Variants in FAM13A observed in about 807,000 individuals in gnomAD.
The protein encoded by FAM13A is protein FAM13A.
Under a neutral mutation model 129.6 loss-of-function variants are expected in FAM13A, and 76 were observed. The observed-to-expected ratio is 0.59, with a 90% CI of 0.49 to 0.71. FAM13A has a LOEUF of 0.71. Among genes scored for constraint, FAM13A ranks in the 30% least tolerant of loss-of-function variants. The pLI is 0.00. For synonymous variants in FAM13A, 443 were observed against 449.9 expected, an observed-to-expected ratio of 0.98 and a Z score of 0.20; for missense variants, 1,108 against 1,249.3, an observed-to-expected ratio of 0.89 and a Z score of 1.70.
intron 3 of FAM13A, among the ~76,000 whole-genome samples, chr4:89,010,746 C>T (rs1765619169): frequency 1.3e-5 from 2 of 152,186 alleles, no homozygotes; most frequent in South Asian, 4.1e-4. Flanking sequence ...GTTCTGTGGA[C>T]CCCATCAAAG....
chr4:88,893,588 A>G (rs192919016), intron 6 of FAM13A, among the ~76,000 whole-genome samples: 3 of 148,480 alleles, frequency 2.0e-5, no homozygotes, highest in South Asian at 4.2e-4. Context: ...GTGCCACTGC[A>G]CTCCAGCCTG....
intron 3 of FAM13A, among the ~76,000 whole-genome samples, chr4:88,994,993 T>C (rs1763353840): frequency 6.6e-6 from 1 of 152,174 alleles, no homozygotes; most frequent in Admixed American, 6.5e-5. Context: ...TTATAAAAGT[T>C]TGCAATGCTT....
chr4:88,787,533 C>G lies in FAM13A; in HGVS notation c.1271+220G>C, dbSNP rs979449212. Among the ~76,000 whole-genome samples the G allele has an allele frequency of 7.8e-4, 119 of 152,068 alleles. 2 individuals carry two copies. Among genetic ancestry groups the G allele is most frequent in the African/African-American group, 2.8e-3 (114 of 41,390 alleles). Reference sequence around the variant, plus strand: ...TCAGAGGTGGCTTCTAACAACATACCAAATGTCTGGATGAAACGGAAATAT... The same window carrying G: ...TCAGAGGTGGCTTCTAACAACATACGAAATGTCTGGATGAAACGGAAATAT... On this transcript the variant is annotated intron_variant, in intron 10 of 23. Transcript: ENST00000264344.
At chr4:88,905,726 AG>A (rs1304459858) in intron 6 of FAM13A, 1 of 152,180 alleles carries the variant, frequency 6.6e-6, no homozygotes, top group Non-Finnish European at 1.5e-5. Flanking sequence ...TTCCTGCAAA[AG>A]GCATGGTCTC....
chr4:88,833,722 C>A (rs923119793), intron 7 of FAM13A, among the ~76,000 whole-genome samples: 1 of 151,904 alleles, frequency 6.6e-6, no homozygotes, highest in African/African-American at 2.4e-5. Context: ...CCCATCTCCA[C>A]TAAAAATACA....
intron 7 of FAM13A, among the ~76,000 whole-genome samples, chr4:88,836,265 T>C (rs1002940016): frequency 9.2e-5 from 14 of 152,206 alleles, no homozygotes; most frequent in Admixed American, 7.9e-4. Flanking sequence ...AAAAAGATTA[T>C]GCAATATGTA....
At chr4:88,758,667 A>T in intron 14 of FAM13A, 87 bp downstream of exon 14, 1 of 1,337,078 alleles carries the variant, frequency 7.5e-7, no homozygotes, top group East Asian at 2.3e-5. Flanking sequence ...TTTCACCCAC[A>T]CTCTCACATA....
chr4:89,018,456 G>A (rs1028879766), intron 3 of FAM13A, among the ~76,000 whole-genome samples: 1 of 152,174 alleles, frequency 6.6e-6, no homozygotes, highest in Non-Finnish European at 1.5e-5. Context: ...TCCAGTCTGT[G>A]GTATTTTGTT....
chr4:89,034,518 T>C lies in FAM13A; in HGVS notation c.28-4869A>G, dbSNP rs561160066. On this transcript the variant is annotated intron_variant, in intron 1 of 23. Coordinates refer to ENST00000264344, the MANE Select transcript of FAM13A (RefSeq NM_014883.4). Reference sequence around the variant, plus strand: ...TCCCCTGTGAAAAGCAGTTTAGAGATTTCTCAAAGAACTAAAAATAGAACT... The same window carrying C: ...TCCCCTGTGAAAAGCAGTTTAGAGACTTCTCAAAGAACTAAAAATAGAACT... Among the ~76,000 whole-genome samples the C allele has an allele frequency of 4.5e-4, 69 of 152,236 alleles. 1 individual carries two copies. The highest frequency in any genetic ancestry group is 1.2e-4 in the Non-Finnish European group (8 of 68,044).
chr4:88,940,832 T>C (rs948443763), intron 4 of FAM13A, among the ~76,000 whole-genome samples: 6 of 152,226 alleles, frequency 3.9e-5, no homozygotes, highest in Non-Finnish European at 7.3e-5. Flanking sequence ...TTAAACGATC[T>C]GTGGATATGC....
intron 6 of FAM13A, among the ~76,000 whole-genome samples, chr4:88,863,255 A>C (rs1414735815): frequency 6.6e-6 from 1 of 152,142 alleles, no homozygotes; most frequent in Admixed American, 6.6e-5. Context: ...CAATGCTTTA[A>C]TTAATCGTGC....
chr4:88,865,994 C>T (rs1333497906), intron 6 of FAM13A, among the ~76,000 whole-genome samples: 1 of 150,216 alleles, frequency 6.7e-6, no homozygotes, highest in East Asian at 2.0e-4. Context: ...GCCTCAGCCT[C>T]CCAAGTAGCT....
chr4:88,827,659 C>G (rs986159461), intron 7 of FAM13A, among the ~76,000 whole-genome samples: 1 of 152,090 alleles, frequency 6.6e-6, no homozygotes, highest in East Asian at 1.9e-4. Flanking sequence ...TTTACTCCTC[C>G]CTCTCCTCTC....
chr4:88,989,339 T>G (rs1333339702), intron 4 of FAM13A, among the ~76,000 whole-genome samples: 1 of 151,036 alleles, frequency 6.6e-6, no homozygotes, highest in African/African-American at 2.4e-5. Context: ...CAGTGGCTCA[T>G]GCCCGTAATC....
intron 7 of FAM13A, among the ~76,000 whole-genome samples, chr4:88,810,337 T>G (rs1729434752): frequency 6.6e-6 from 1 of 152,128 alleles, no homozygotes; most frequent in Non-Finnish European, 1.5e-5. Flanking sequence ...CCATAATCCC[T>G]CATACTTTAG....
chr4:88,749,208 A>AT (rs1428348688), intron 16 of FAM13A, among the ~76,000 whole-genome samples, 175 bp from the exon 17 acceptor site: 1 of 152,200 alleles, frequency 6.6e-6, no homozygotes, highest in Non-Finnish European at 1.5e-5. Flanking sequence ...ATCCTTCTTT[A>AT]TATTTGGTTA....
At position 88,748,967 on chromosome 4, in the gene FAM13A, G is replaced by A. The variant is rs771377780; in HGVS notation, c.2146C>T (p.Arg716Trp). Residue 716 changes from arginine (R) to tryptophan (W), a missense_variant, in exon 17 of 24, where the codon CGG (arginine) becomes TGG (tryptophan). This residue lies in a region of FAM13A where 529 missense variants were observed against 621.2 expected (regional missense o/e 0.85). Coordinates refer to ENST00000264344, the MANE Select transcript of FAM13A (RefSeq NM_014883.4). ...TTTTACCCACCTTTAAGTTGTCTCC[G>A]GAATTTGGCAAGGTCATTTGTCCAT... ...LKWTNDLAKF[R>W]RQLKESKLKI... 7 of 1,613,488 alleles carry A rather than the reference G, an allele frequency of 4.3e-6. No homozygotes were observed. The highest frequency in any genetic ancestry group is 5.1e-6 in the Non-Finnish European group (6 of 1,179,450).
At chr4:88,974,499 A>G (rs1330728639) in intron 4 of FAM13A, among the ~76,000 whole-genome samples, 2 of 152,002 alleles carry the variant, frequency 1.3e-5, no homozygotes, top group Non-Finnish European at 2.9e-5. Context: ...TTTTTTTGAG[A>G]CAGACTCTCG....
intron 6 of FAM13A, among the ~76,000 whole-genome samples, chr4:88,903,445 T>G (rs1161053546): frequency 6.6e-6 from 1 of 151,972 alleles, no homozygotes; most frequent in Non-Finnish European, 1.5e-5. Context: ...AATAGAGAAG[T>G]TAGAAATAAG....
Sources: gnomAD v4.1 joint callset for allele counts (sites outside exome capture counted in the v4.1 genomes callset) on GRCh38, gnomAD v4.1.1 for gene constraint, gnomAD v4.1.1 regional missense constraint, MANE v1.5 for transcripts, NCBI Gene and HGNC (gene_info 2026-07-23, HGNC 2026-07-21) for gene names.